The following MTMR3 variants were observed in gnomAD, a reference collection of about 807,000 sequenced individuals.
The protein encoded by MTMR3 is phosphatidylinositol-3,5-bisphosphate 3-phosphatase MTMR3.
MTMR3 carries 32 observed loss-of-function variants against 132.4 expected under a neutral mutation model. That is an observed-to-expected ratio of 0.24 (90% CI 0.18 to 0.32). MTMR3 has a LOEUF of 0.32. MTMR3 is among the 10% of genes least tolerant of loss of function. The pLI is 1.00. For missense variants in MTMR3, 1,216 were observed against 1,489.6 expected, an observed-to-expected ratio of 0.82 and a Z score of 3.02; for synonymous variants, 556 against 550.3, an observed-to-expected ratio of 1.01 and a Z score of -0.14.
chr22:30,016,783 G>C (rs1423286154), intron 15 of MTMR3, 85 bp downstream of exon 15: 6 of 1,438,608 alleles, frequency 4.2e-6, no homozygotes, highest in Non-Finnish European at 5.7e-6. Flanking sequence ...AGTAGTGACT[G>C]TTTTTGTGAA....
intron 1 of MTMR3, among the ~76,000 whole-genome samples, chr22:29,934,769 C>A (rs1375481516): frequency 1.3e-5 from 2 of 152,142 alleles, no homozygotes; most frequent in Non-Finnish European, 2.9e-5. Flanking sequence ...CCTTGAAGTC[C>A]TCACTGTTAA....
At chr22:30,022,993 C>T in intron 19 of MTMR3, 1 of 445,698 alleles carries the variant, frequency 2.2e-6, no homozygotes, top group South Asian at 2.8e-5. Flanking sequence ...CTCAGCATAA[C>T]ATTTCTTCCC....
intron 2 of MTMR3, among the ~76,000 whole-genome samples, chr22:29,967,564 T>A (rs2066452944): frequency 2.0e-5 from 3 of 151,490 alleles, no homozygotes; most frequent in Admixed American, 2.0e-4. Context: ...CTATAAGTCA[T>A]ATCACATAAA....
rs184806761 is a variant in MTMR3 at position 29,904,211 on chromosome 22, T to A, written c.-138+20852T>A. Among the ~76,000 whole-genome samples the A allele has an allele frequency of 2.2e-4, 34 of 152,340 alleles. 1 individual carries two copies. The highest frequency in any genetic ancestry group is 7.7e-4 in the East Asian group (4 of 5,190). On this transcript the variant is annotated intron_variant, in intron 1 of 19. Transcript: ENST00000401950. ...TGTGGGATTAGTAATACAAATACAA[T>A]TTTAATTAGCTTTATCAGTTGCACA...
chr22:29,888,768 C>CTTTTTTT (rs3049983), intron 1 of MTMR3, among the ~76,000 whole-genome samples: 2 of 101,880 alleles, frequency 2.0e-5, no homozygotes, highest in Non-Finnish European at 3.8e-5. Context: ...TTAGTTAATA[C>CTTTTTTT]TTTTTTTTTT....
chr22:30,020,378 ACT>A lies in MTMR3; in HGVS notation c.2723_2724del (p.Leu908GlnfsTer15). On this transcript the variant is annotated frameshift_variant, in exon 17 of 20. Coordinates refer to ENST00000401950, the MANE Select transcript of MTMR3 (RefSeq NM_021090.4). LOFTEE classifies it high-confidence loss of function. ...SVVHRTSLGS[T>X]LSLTRSPCAL... ...GGTGCATAGGACTTCCCTTGGCAGC[ACT>A]CTCAGCCTGACACGTTCCCCTTGTG... is the stretch of plus-strand genomic sequence containing the variant. 1 of 1,614,056 alleles carries A rather than the reference ACT, an allele frequency of 6.2e-7. No homozygotes were observed. Among genetic ancestry groups the A allele is most frequent in the Non-Finnish European group, 8.5e-7 (1 of 1,180,000 alleles).
chr22:29,946,847 C>T (rs933599147), intron 1 of MTMR3, among the ~76,000 whole-genome samples: 4 of 151,722 alleles, frequency 2.6e-5, no homozygotes, highest in Non-Finnish European at 5.9e-5. Flanking sequence ...TGCTCAGTAG[C>T]GCAAATATAG....
intron 1 of MTMR3, among the ~76,000 whole-genome samples, chr22:29,917,644 GGAA>G (rs2145761532): frequency 6.6e-6 from 1 of 152,296 alleles, no homozygotes; most frequent in African/African-American, 2.4e-5. Flanking sequence ...TTATTTCACT[GGAA>G]CAAGTCTTTG....
At chr22:29,883,653 CGGGGATG>C (rs1300279727) in intron 1 of MTMR3, among the ~76,000 whole-genome samples, 2 of 152,256 alleles carry the variant, frequency 1.3e-5, no homozygotes, top group Middle Eastern at 3.4e-3. Flanking sequence ...CCAGACCTGG[CGGGGATG>C]GGCCCGTGCG....
In MTMR3 at chr22:30,027,364, G is replaced by GGGTGTGGTTAA. The variant is rs1489003275; in HGVS notation, c.*1566_*1576dup. Reference sequence around the variant, plus strand: ...CAGGAAGGTGGTTCTGTGCATGCCTGGGTGTGGTTAAGGCGTGGCCCAGAA... The same window carrying GGGTGTGGTTAA: ...CAGGAAGGTGGTTCTGTGCATGCCTGGGTGTGGTTAAGGTGTGGTTAAGGCGTGGCCCAGAA... On this transcript the variant is annotated 3_prime_UTR_variant, in exon 20 of 20. Transcript: ENST00000401950. The GGGTGTGGTTAA allele has an allele frequency of 6.5e-6, 1 of 152,910 alleles. No homozygotes were observed. The highest frequency in any genetic ancestry group is 1.9e-4 in the East Asian group (1 of 5,312). The allele number at this position is 152,910 out of a possible 1,614,324, so 9.5% of individuals were successfully genotyped here.
chr22:30,022,805 C>A lies in MTMR3; in HGVS notation c.3425+108C>A. 4 of 993,780 alleles carry A rather than the reference C, an allele frequency of 4.0e-6. No individual in the cohort carries two copies. In the Admixed American group the frequency reaches 6.3e-5, roughly 16 times the overall value. The allele number at this position is 993,780 out of a possible 1,614,324, so 61.6% of individuals were successfully genotyped here. On this transcript the variant is annotated intron_variant, in intron 19 of 19. Transcript: ENST00000401950. Reference sequence around the variant, plus strand: ...GGGTATCTCAGTGTTCTGTCTGAGGCAGAGCCATGGTCTCATCTTCCTGTG... The same window carrying A: ...GGGTATCTCAGTGTTCTGTCTGAGGAAGAGCCATGGTCTCATCTTCCTGTG...
intron 1 of MTMR3, among the ~76,000 whole-genome samples, chr22:29,902,725 C>T (rs893544231): frequency 6.6e-6 from 1 of 152,064 alleles, no homozygotes; most frequent in African/African-American, 2.4e-5. Flanking sequence ...TACAGAATTC[C>T]TTTTTCTTCT....
At chr22:29,992,994 G>C (rs1005708697) in intron 7 of MTMR3, 2 of 152,180 alleles carry the variant, frequency 1.3e-5, no homozygotes, top group African/African-American at 4.8e-5. Flanking sequence ...TCAAGTCCCA[G>C]TGCTAGTCAC....
Position 29,918,593 on chromosome 22 carries a change from G to A in MTMR3, c.-138+35234G>A, listed in dbSNP as rs181405806. Among the ~76,000 whole-genome samples the A allele has an allele frequency of 4.7e-4, 72 of 152,248 alleles. 1 individual carries two copies. Among genetic ancestry groups the A allele is most frequent in the Non-Finnish European group, 7.4e-5 (5 of 68,008 alleles). On this transcript the variant is annotated intron_variant, in intron 1 of 19. Coordinates refer to ENST00000401950, the MANE Select transcript of MTMR3 (RefSeq NM_021090.4). The stretch of plus-strand genomic sequence containing the variant: ...AGATGTAGTGGTGAACAAGATCTCC[G>A]TTGTTACTCAGTTTGTAGACTATGA...
chr22:29,942,267 T>C (rs1307694604), intron 1 of MTMR3, among the ~76,000 whole-genome samples: 2 of 152,236 alleles, frequency 1.3e-5, no homozygotes, highest in Non-Finnish European at 2.9e-5. Flanking sequence ...CCAGCAAGTT[T>C]TTATTAGCGA....
chr22:29,913,784 C>T (rs2065258545), intron 1 of MTMR3, among the ~76,000 whole-genome samples: 2 of 151,678 alleles, frequency 1.3e-5, no homozygotes, highest in Admixed American at 6.6e-5. Flanking sequence ...CGGAGTCTCG[C>T]TCTGTCGCCC....
intron 1 of MTMR3, among the ~76,000 whole-genome samples, chr22:29,916,669 CTAATT>C (rs1256998326): frequency 6.6e-6 from 1 of 152,180 alleles, no homozygotes; most frequent in Non-Finnish European, 1.5e-5. Flanking sequence ...CATGGTAAGA[CTAATT>C]TAACTTTTTA....
intron 2 of MTMR3, among the ~76,000 whole-genome samples, chr22:29,967,232 T>TGTGTGC (rs1363061287): frequency 1.0e-5 from 1 of 99,802 alleles, no homozygotes; most frequent in Admixed American, 9.8e-5. Context: ...TGTGTGTGTG[T>TGTGTGC]GCATGCGCGC....
At chr22:29,917,604 A>C (rs1487070926) in intron 1 of MTMR3, among the ~76,000 whole-genome samples, 1 of 152,228 alleles carries the variant, frequency 6.6e-6, no homozygotes, top group Admixed American at 6.5e-5. Flanking sequence ...TCTGCCTTCT[A>C]ATTTGAGCCT....
Sources: allele counts gnomAD v4.1 joint callset (sites outside exome capture counted in the v4.1 genomes callset), GRCh38; gene constraint gnomAD v4.1.1; transcripts MANE v1.5; gene names NCBI Gene and HGNC (gene_info 2026-07-23, HGNC 2026-07-21).